The following HECW2 variants were observed in gnomAD, a reference collection of about 807,000 sequenced individuals.
HECW2 encodes E3 ubiquitin-protein ligase HECW2.
A neutral mutation model predicts 175.2 loss-of-function variants in HECW2; 61 were observed. The ratio of observed to expected loss-of-function variants is 0.35; its 90% confidence interval spans 0.28 to 0.43. The LOEUF is 0.43. HECW2 is among the 20% of genes least tolerant of loss of function. HECW2 has a pLI of 1.00. For synonymous variants in HECW2, 671 were observed against 731.0 expected (o/e 0.92, Z 1.32); for missense variants, 1,524 against 2,000.5 (o/e 0.76, Z 4.54).
At chr2:196,461,816 A>G (rs939591077) in intron 1 of HECW2, among the ~76,000 whole-genome samples, 2 of 152,088 alleles carry the variant, frequency 1.3e-5, no homozygotes, top group African/African-American at 4.8e-5. Flanking sequence ...CCATGATTCA[A>G]CCACCTCCAC....
intron 2 of HECW2, among the ~76,000 whole-genome samples, chr2:196,412,300 A>G (rs1159623287): frequency 6.6e-6 from 1 of 152,204 alleles, no homozygotes; most frequent in Non-Finnish European, 1.5e-5. Context: ...GACCGTCTTC[A>G]TGTCACATGC....
intron 2 of HECW2, chr2:196,362,068 T>C: frequency 2.0e-6 from 2 of 985,352 alleles, no homozygotes; most frequent in Non-Finnish European, 2.4e-6. Context: ...AATGAAATAC[T>C]AGACAGGATT....
intron 2 of HECW2, among the ~76,000 whole-genome samples, chr2:196,416,014 T>G (rs1695246219): frequency 6.6e-6 from 1 of 152,240 alleles, no homozygotes; most frequent in Non-Finnish European, 1.5e-5. Flanking sequence ...ATAAGAATTT[T>G]CTATTTGAAT....
chr2:196,555,901 T>C (rs1227309597), intron 1 of HECW2, among the ~76,000 whole-genome samples: 1 of 152,210 alleles, frequency 6.6e-6, no homozygotes, highest in Admixed American at 6.5e-5. Context: ...TTTCTTGATC[T>C]CTGTGCTTCA....
At chr2:196,308,390 T>C (rs1443410687) in intron 10 of HECW2, among the ~76,000 whole-genome samples, 1 of 152,212 alleles carries the variant, frequency 6.6e-6, no homozygotes, top group Admixed American at 6.5e-5. Context: ...TAAAAATATA[T>C]GTAGTTGGTT....
chr2:196,352,251 C>T (rs867017647), intron 2 of HECW2, among the ~76,000 whole-genome samples: 7 of 152,258 alleles, frequency 4.6e-5, no homozygotes, highest in Non-Finnish European at 8.8e-5. Context: ...CACCTACTGG[C>T]GACTACGGCT....
intron 2 of HECW2, among the ~76,000 whole-genome samples, chr2:196,352,254 C>T (rs1693196331): frequency 6.6e-6 from 1 of 152,194 alleles, no homozygotes; most frequent in Non-Finnish European, 1.5e-5. Flanking sequence ...CTACTGGCGA[C>T]TACGGCTTTG....
At chr2:196,248,992 C>T (rs1022954705) in intron 19 of HECW2, among the ~76,000 whole-genome samples, 1 of 152,046 alleles carries the variant, frequency 6.6e-6, no homozygotes, top group Non-Finnish European at 1.5e-5. Flanking sequence ...GCACAATGAT[C>T]CCCCCAAACC....
At chr2:196,551,509 A>C (rs1689601344) in intron 1 of HECW2, among the ~76,000 whole-genome samples, 1 of 152,228 alleles carries the variant, frequency 6.6e-6, no homozygotes, top group African/African-American at 2.4e-5. Context: ...ACCTAGCAGA[A>C]CTTGGCTTCT....
intron 1 of HECW2, among the ~76,000 whole-genome samples, chr2:196,500,695 T>C (rs1448197666): frequency 6.6e-6 from 1 of 152,214 alleles, no homozygotes; most frequent in African/African-American, 2.4e-5. Flanking sequence ...ATTGTCTATG[T>C]TTTTCTAAGC....
intron 1 of HECW2, among the ~76,000 whole-genome samples, chr2:196,464,964 C>T (rs1559126419): frequency 6.6e-6 from 1 of 152,080 alleles, no homozygotes; most frequent in Non-Finnish European, 1.5e-5. Flanking sequence ...ATCGCTTGAA[C>T]CCAGGAGGTG....
intron 1 of HECW2, among the ~76,000 whole-genome samples, chr2:196,438,531 G>A (rs557950394): frequency 9.9e-5 from 15 of 152,170 alleles, no homozygotes; most frequent in South Asian, 2.1e-4. Context: ...ATACAGGACC[G>A]GGAAGTACAG....
At chr2:196,355,784 T>C (rs1170675204) in intron 2 of HECW2, among the ~76,000 whole-genome samples, 1 of 152,022 alleles carries the variant, frequency 6.6e-6, no homozygotes, top group Non-Finnish European at 1.5e-5. Flanking sequence ...GTGGGGAAAG[T>C]GGTCAGTAAG....
At chr2:196,380,068 G>A (rs1021239294) in intron 2 of HECW2, among the ~76,000 whole-genome samples, 8 of 152,144 alleles carry the variant, frequency 5.3e-5, no homozygotes, top group Non-Finnish European at 8.8e-5. Flanking sequence ...AAGACATTTT[G>A]CTTATTTAAG....
chr2:196,567,569 G>A (rs958688741), intron 1 of HECW2, among the ~76,000 whole-genome samples: 6 of 152,168 alleles, frequency 3.9e-5, no homozygotes, highest in Non-Finnish European at 2.9e-5. Context: ...GAAGGCAGGC[G>A]GAATCACATG....
At chr2:196,221,453 C>A (rs1687667525) in intron 24 of HECW2, among the ~76,000 whole-genome samples, 1 of 152,108 alleles carries the variant, frequency 6.6e-6, no homozygotes, top group South Asian at 2.1e-4. Flanking sequence ...TTTCCCTACT[C>A]TTCCACCAAT....
intron 1 of HECW2, among the ~76,000 whole-genome samples, chr2:196,541,840 A>C (rs1553535974): frequency 1.3e-5 from 2 of 152,182 alleles, no homozygotes; most frequent in Non-Finnish European, 2.9e-5. Context: ...TTTCAGAAAA[A>C]TGTTCAACAT....
chr2:196,523,070 G>A lies in HECW2; in HGVS notation c.-36+70438C>T, dbSNP rs1452674633. 2.6e-5 allele frequency among the ~76,000 whole-genome samples: 4 copies of A among 151,832 alleles called. No individual in the cohort carries two copies. The East Asian group carries it at 7.7e-4, about 29-fold the overall frequency. ...TTGAATCTGTAAATTACCTTGGGCAGTATGGCCATTTTCACGATATTGATT... is the reference window on the plus strand; with the variant it reads ...TTGAATCTGTAAATTACCTTGGGCAATATGGCCATTTTCACGATATTGATT... On this transcript the variant is annotated intron_variant, in intron 1 of 28. Coordinates refer to ENST00000644978, the MANE Select transcript of HECW2 (RefSeq NM_001348768.2).
At chr2:196,542,132 C>T (rs767834922) in intron 1 of HECW2, among the ~76,000 whole-genome samples, 24 of 151,810 alleles carry the variant, frequency 1.6e-4, no homozygotes, top group Non-Finnish European at 2.8e-4. Context: ...GACGTGGTGG[C>T]GCACACCTGT....
Sources: gnomAD v4.1 joint callset for allele counts (sites outside exome capture counted in the v4.1 genomes callset) on GRCh38, gnomAD v4.1.1 for gene constraint, MANE v1.5 for transcripts, NCBI Gene and HGNC (gene_info 2026-07-23, HGNC 2026-07-21) for gene names.